MBTD1: variants seen among roughly 807,000 people sequenced by gnomAD.
MBTD1 encodes MBT domain-containing protein 1.
A neutral mutation model predicts 87.8 loss-of-function variants in MBTD1; 24 were observed. The ratio of observed to expected loss-of-function variants is 0.27; its 90% CI spans 0.20 to 0.38. MBTD1 has a LOEUF of 0.38. Among genes scored for constraint, MBTD1 ranks in the 10% least tolerant of loss-of-function variants. The probability of loss-of-function intolerance (pLI) is 1.00; values close to 1 mark genes in which losing one functional copy is unlikely to be tolerated. For missense variants in MBTD1, 436 were observed against 760.2 expected (o/e 0.57, Z 5.02); for synonymous variants, 237 against 248.6 (o/e 0.95, Z 0.44).
At chr17:51,245,328 G>C (rs2054371823) in intron 2 of MBTD1, among the ~76,000 whole-genome samples, 1 of 151,946 alleles carries the variant, frequency 6.6e-6, no homozygotes, top group Non-Finnish European at 1.5e-5. Flanking sequence ...CCCTTTATCT[G>C]TATGTATGGA....
At position 51,177,585 on chromosome 17, in the gene MBTD1, C is replaced by T. The variant is rs1022185035; in HGVS notation, c.*2991G>A. The T allele has an allele frequency of 2.0e-5, 3 of 152,048 alleles. No individual in the cohort carries two copies. Among genetic ancestry groups the T allele is most frequent in the African/African-American group, 7.2e-5 (3 of 41,388 alleles). The allele number at this position is 152,048 out of a possible 1,614,324, so 9.4% of individuals were successfully genotyped here. A position where few individuals can be genotyped will look rare whatever the true frequency, so the allele number is the denominator to read the frequency against. On this transcript the variant is annotated 3_prime_UTR_variant, in exon 17 of 17. Transcript: ENST00000586178. ...TAAATTTTTCCAAAGGAATTTTTCA[C>T]GCCATTATATATACACTTCATGAGA...
chr17:51,182,129 T>C (rs2050340473), intron 16 of MBTD1, among the ~76,000 whole-genome samples: 1 of 151,276 alleles, frequency 6.6e-6, no homozygotes, highest in African/African-American at 2.4e-5. Flanking sequence ...CTGTGCATTT[T>C]TTTTTTTTTT....
chr17:51,260,680 A>C, upstream of MBTD1: 1 of 1,610,284 alleles, frequency 6.2e-7, no homozygotes, highest in South Asian at 1.1e-5. Flanking sequence ...GGAAAGCCGG[A>C]GCGGGGCCAG....
intron 6 of MBTD1, among the ~76,000 whole-genome samples, chr17:51,214,916 G>C (rs143982270): frequency 1.2e-3 from 177 of 152,258 alleles, no homozygotes; most frequent in African/African-American, 4.0e-3. Context: ...ACTCTCCTTA[G>C]AGACCCAGAA....
chr17:51,241,322 GTACTTT>G (rs1478628222), intron 2 of MBTD1, among the ~76,000 whole-genome samples: 1 of 152,038 alleles, frequency 6.6e-6, no homozygotes, highest in Non-Finnish European at 1.5e-5. Context: ...TTTCTCCACT[GTACTTT>G]TACTATTTTC....
intron 12 of MBTD1, among the ~76,000 whole-genome samples, chr17:51,201,268 C>T (rs1488143013): frequency 1.3e-5 from 2 of 152,130 alleles, no homozygotes; most frequent in Non-Finnish European, 2.9e-5. Context: ...AGAGGAAACA[C>T]AGGAAACTGA....
intron 2 of MBTD1, among the ~76,000 whole-genome samples, chr17:51,241,666 C>T (rs1249457444): frequency 6.6e-6 from 1 of 151,996 alleles, no homozygotes; most frequent in African/African-American, 2.4e-5. Context: ...CGGGTTTAAG[C>T]AATTCTTCTG....
At chr17:51,203,007 T>A in intron 9 of MBTD1, 72 bp from the exon 10 acceptor site, 1 of 1,326,242 alleles carries the variant, frequency 7.5e-7, no homozygotes, top group South Asian at 1.2e-5. Flanking sequence ...TATTATACTG[T>A]AAAAAATACT....
intron 2 of MBTD1, among the ~76,000 whole-genome samples, chr17:51,228,892 C>CTT (rs1425337929): frequency 1.7e-5 from 1 of 59,082 alleles, no homozygotes; most frequent in African/African-American, 6.9e-5. Flanking sequence ...AGTAAGAGTC[C>CTT]TTCTCGGGGG....
chr17:51,204,197 C>T (rs1020588585), intron 7 of MBTD1, among the ~76,000 whole-genome samples: 3 of 152,120 alleles, frequency 2.0e-5, no homozygotes, highest in Admixed American at 6.6e-5. Flanking sequence ...TCAGTGCAAA[C>T]AGTTCAACTG....
intron 7 of MBTD1, 33 bp downstream of exon 7, chr17:51,206,855 A>ATTTTCTAC (rs771188310): frequency 7.2e-7 from 1 of 1,394,590 alleles, no homozygotes; most frequent in African/African-American, 1.4e-5. Flanking sequence ...GGATCTCTGC[A>ATTTTCTAC]TTTTCTACTA....
chr17:51,241,132 A>C (rs1017843967), intron 2 of MBTD1, among the ~76,000 whole-genome samples: 2 of 151,830 alleles, frequency 1.3e-5, no homozygotes, highest in African/African-American at 4.8e-5. Context: ...GTGTCACCTC[A>C]CCCAGCTAAT....
intron 13 of MBTD1, among the ~76,000 whole-genome samples, chr17:51,194,095 C>A (rs2050946590): frequency 1.3e-5 from 2 of 152,204 alleles, no homozygotes; most frequent in Non-Finnish European, 2.9e-5. Context: ...GAGTCTAGCA[C>A]CTAATACTAT....
chr17:51,184,348 A>G (rs1353944675), intron 16 of MBTD1: 1 of 152,248 alleles, frequency 6.6e-6, no homozygotes, highest in Non-Finnish European at 1.5e-5. Context: ...CTTTGTTGAC[A>G]CTAATCACTA....
intron 13 of MBTD1, among the ~76,000 whole-genome samples, chr17:51,194,113 T>C (rs2145097379): frequency 6.6e-6 from 1 of 152,334 alleles, no homozygotes; most frequent in South Asian, 2.1e-4. Context: ...TATGGACTGA[T>C]ATTTTTCTTT....
rs1334745989 is a variant in MBTD1, at chr17:51,179,498, A to AT, written c.*1077dup. ...TAAAGACAATTTTATATATATATAT[A>AT]TATATATATATATATATATATATAT... On this transcript the variant is annotated 3_prime_UTR_variant, in exon 17 of 17. Transcript: ENST00000586178. 2 of 58,436 alleles carry AT rather than the reference A, an allele frequency of 3.4e-5. No individual in the cohort carries two copies. Among genetic ancestry groups the AT allele is most frequent in the African/African-American group, 1.1e-4 (2 of 17,756 alleles). The allele number at this position is 58,436 out of a possible 1,614,324, so 3.6% of individuals were successfully genotyped here.
chr17:51,190,131 A>G (rs1231604269), intron 16 of MBTD1, among the ~76,000 whole-genome samples: 1 of 152,222 alleles, frequency 6.6e-6, no homozygotes, highest in Non-Finnish European at 1.5e-5. Context: ...GTTAGAACAG[A>G]GTATATTCGA....
At chr17:51,253,030 G>T (rs1448501658) in intron 2 of MBTD1, among the ~76,000 whole-genome samples, 1 of 151,176 alleles carries the variant, frequency 6.6e-6, no homozygotes, top group Non-Finnish European at 1.5e-5. Flanking sequence ...CATTTTTTTT[G>T]GAATACTTTT....
At chr17:51,230,828 T>C (rs1358534726) in intron 2 of MBTD1, among the ~76,000 whole-genome samples, 2 of 152,180 alleles carry the variant, frequency 1.3e-5, no homozygotes, top group East Asian at 3.9e-4. Flanking sequence ...GAAGACATTA[T>C]AAACTATTTA....
Sources: allele counts gnomAD v4.1 joint callset (sites outside exome capture counted in the v4.1 genomes callset), GRCh38; gene constraint gnomAD v4.1.1; transcripts MANE v1.5; gene names NCBI Gene and HGNC (gene_info 2026-07-23, HGNC 2026-07-21).